Variants in ARFGAP3 observed in about 807,000 individuals in gnomAD.
The protein encoded by ARFGAP3 is ARF GTPase activating protein 3.
A neutral mutation model predicts 75.0 loss-of-function variants in ARFGAP3; 72 were observed. The ratio of observed to expected loss-of-function variants is 0.96; its 90% confidence interval spans 0.79 to 1.17. The LOEUF (loss-of-function observed/expected upper bound fraction) is 1.17, where lower values mean the gene tolerates loss of function less well. ARFGAP3 is among the 50% of genes most tolerant of loss of function. The pLI is 0.00. For missense variants in ARFGAP3, 620 were observed against 626.6 expected, an observed-to-expected ratio of 0.99 and a Z score of 0.11; for synonymous variants, 221 against 217.9, an observed-to-expected ratio of 1.01 and a Z score of -0.13.
At chr22:42,831,504 A>C (rs1303523124) in intron 6 of ARFGAP3, 45 bp downstream of exon 6, 9 of 1,582,222 alleles carry the variant, frequency 5.7e-6, no homozygotes, top group Non-Finnish European at 7.8e-6. Context: ...ATAGCATGCC[A>C]CTGAACCATA....
At position 42,835,406 on chromosome 22, in the gene ARFGAP3, T is replaced by A. The variant is rs1926476010; in HGVS notation, c.349A>T (p.Ile117Phe). ...SRAAQLYREKIKSLASQATRK... is the reference protein window; with the variant it reads ...SRAAQLYREKFKSLASQATRK... ...GTTGCTTGAGAGGCGAGCGATTTGA[T>A]TTTCTCCCTATAGAGCTGAGCAGCA... The change falls in exon 4 of 16, where the codon ATC becomes TTC. Residue 117 changes from isoleucine to phenylalanine, a missense_variant. Coordinates refer to ENST00000263245, the MANE Select transcript of ARFGAP3 (RefSeq NM_014570.5). The A allele has an allele frequency of 6.2e-7, 1 of 1,614,048 alleles. No homozygotes were observed. Among genetic ancestry groups the A allele is most frequent in the Non-Finnish European group, 8.5e-7 (1 of 1,180,020 alleles).
chr22:42,855,814 A>G (rs1322449766), intron 1 of ARFGAP3, among the ~76,000 whole-genome samples: 1 of 152,098 alleles, frequency 6.6e-6, no homozygotes, highest in Non-Finnish European at 1.5e-5. Context: ...GAGCCCAGGA[A>G]TTTGACACCA....
intron 15 of ARFGAP3, among the ~76,000 whole-genome samples, chr22:42,798,430 CAAG>C (rs1348750002): frequency 6.6e-6 from 1 of 152,244 alleles, no homozygotes; most frequent in Non-Finnish European, 1.5e-5. Flanking sequence ...CTGACGTAAA[CAAG>C]AAGGTGCAAA....
At chr22:42,844,311 G>A (rs531674843) in intron 2 of ARFGAP3, among the ~76,000 whole-genome samples, 1 of 152,190 alleles carries the variant, frequency 6.6e-6, no homozygotes, top group African/African-American at 2.4e-5. Flanking sequence ...TCGGCTAGGT[G>A]CTGTGGCTCA....
chr22:42,855,878 TTAA>T lies in ARFGAP3; in HGVS notation c.69+1233_69+1235del, dbSNP rs1013614091. On this transcript the variant is annotated intron_variant, in intron 1 of 15. Coordinates refer to ENST00000263245, the MANE Select transcript of ARFGAP3 (RefSeq NM_014570.5). ...CTACAAAAATTAATTAATTAATTAA[TTAA>T]TAATAACAATTAGCTGGGCGTGGTG... Among the ~76,000 whole-genome samples, 5 of 138,460 alleles carry T rather than the reference TTAA, an allele frequency of 3.6e-5. No homozygotes were observed. The East Asian group carries it at 8.0e-4, about 22-fold the overall frequency. The allele number at this position is 138,460 out of a possible 152,430, so 90.8% of individuals were successfully genotyped here. A position where few individuals can be genotyped will look rare whatever the true frequency, so the allele number is the denominator to read the frequency against.
intron 12 of ARFGAP3, among the ~76,000 whole-genome samples, chr22:42,809,582 G>A (rs1925271930): frequency 1.3e-5 from 2 of 151,826 alleles, no homozygotes; most frequent in Non-Finnish European, 2.9e-5. Flanking sequence ...AGGGCATGGG[G>A]AAAATTTGGG....
At chr22:42,837,079 C>T (rs113487623) in intron 3 of ARFGAP3, among the ~76,000 whole-genome samples, 5,855 of 152,252 alleles carry the variant, frequency 0.038, 159 homozygotes, top group African/African-American at 0.074. Context: ...CTTGGGAAGG[C>T]TTAGAAATAA....
At chr22:42,844,606 A>G in intron 2 of ARFGAP3, among the ~76,000 whole-genome samples, 1 of 150,966 alleles carries the variant, frequency 6.6e-6, no homozygotes. Context: ...AAAAAAAAAA[A>G]ATAAAAAACC....
Position 42,824,849 on chromosome 22 carries a change from C to T in ARFGAP3, c.626-1147G>A, listed in dbSNP as rs541905634. On this transcript the variant is annotated intron_variant, in intron 7 of 15. Coordinates refer to ENST00000263245, the MANE Select transcript of ARFGAP3 (RefSeq NM_014570.5). The stretch of plus-strand genomic sequence containing the variant: ...CAGCTCTTGTTCCCCTCTCTCCCTC[C>T]CTCCTTTTGGAGTCCTCAGTGTCTA... 7.6e-4 allele frequency among the ~76,000 whole-genome samples: 115 copies of T among 152,254 alleles called. 1 individual carries two copies. Among genetic ancestry groups the T allele is most frequent in the Middle Eastern group, 3.4e-3 (1 of 294 alleles).
At chr22:42,821,074 A>G (rs17003362) in intron 9 of ARFGAP3, among the ~76,000 whole-genome samples, 7,432 of 151,990 alleles carry the variant, frequency 0.049, 581 homozygotes, top group East Asian at 0.34. Context: ...CGATCATTCC[A>G]CCTTCTTCAT....
chr22:42,814,957 T>C (rs1925515277), intron 11 of ARFGAP3, among the ~76,000 whole-genome samples: 1 of 152,218 alleles, frequency 6.6e-6, no homozygotes, highest in Admixed American at 6.5e-5. Flanking sequence ...AGTCTGGTCC[T>C]GAATTCCTGG....
intron 7 of ARFGAP3, 103 bp downstream of exon 7, chr22:42,826,837 T>A: frequency 1.2e-6 from 1 of 825,846 alleles, no homozygotes; most frequent in African/African-American, 1.7e-5. Context: ...CATGATTATA[T>A]TACTCCGTCA....
At chr22:42,827,662 G>A (rs796310483) in intron 6 of ARFGAP3, among the ~76,000 whole-genome samples, 10 of 151,962 alleles carry the variant, frequency 6.6e-5, no homozygotes, top group African/African-American at 1.9e-4. Flanking sequence ...CACTGAACCC[G>A]GCCTAATATG....
At chr22:42,831,092 G>C (rs900830768) in intron 6 of ARFGAP3, among the ~76,000 whole-genome samples, 13 of 152,040 alleles carry the variant, frequency 8.6e-5, no homozygotes, top group Non-Finnish European at 1.8e-4. Flanking sequence ...CTGAGGTCAG[G>C]AGTTCGAGAT....
At chr22:42,834,169 C>T (rs1418632965) in intron 5 of ARFGAP3, 73 bp downstream of exon 5, 3 of 1,404,716 alleles carry the variant, frequency 2.1e-6, no homozygotes, top group African/African-American at 1.4e-5. Context: ...TACATCCTAA[C>T]ATTTTAAATA....
At chr22:42,818,602 T>C (rs1156796191) in intron 9 of ARFGAP3, among the ~76,000 whole-genome samples, 1 of 152,064 alleles carries the variant, frequency 6.6e-6, no homozygotes, top group Non-Finnish European at 1.5e-5. Context: ...TATGCCTATA[T>C]AGCAAGAATA....
At chr22:42,817,462 ATGC>A in intron 10 of ARFGAP3, 198 bp from the exon 11 acceptor site, 1 of 295,358 alleles carries the variant, frequency 3.4e-6, no homozygotes, top group Non-Finnish European at 5.0e-6. Flanking sequence ...TCTACACCAA[ATGC>A]AGTCACAAAT....
intron 14 of ARFGAP3, among the ~76,000 whole-genome samples, chr22:42,806,023 G>C (rs1383158703): frequency 6.6e-6 from 1 of 152,204 alleles, no homozygotes. Context: ...GACCTCTCTC[G>C]AGCTGTTTCT....
At position 42,817,719 on chromosome 22, in the gene ARFGAP3, T is replaced by A. The variant is rs747552551; in HGVS notation, c.941+10A>T. On this transcript the variant is annotated intron_variant, in intron 10 of 15. Coordinates refer to ENST00000263245, the MANE Select transcript of ARFGAP3 (RefSeq NM_014570.5). ...TTAAATTCTAACTCCAAGAAAGCAG[T>A]CTCACATACCTTCTGCAATTTCCAA... The A allele has an allele frequency of 9.4e-6, 15 of 1,598,794 alleles. No individual in the cohort carries two copies. Among genetic ancestry groups the A allele is most frequent in the Non-Finnish European group, 1.3e-5 (15 of 1,168,482 alleles).
Sources: gnomAD v4.1 joint callset for allele counts (sites outside exome capture counted in the v4.1 genomes callset) on GRCh38, gnomAD v4.1.1 for gene constraint, MANE v1.5 for transcripts, NCBI Gene and HGNC (gene_info 2026-07-23, HGNC 2026-07-21) for gene names.